Variants in AP3B1 observed in about 807,000 individuals in gnomAD.
AP3B1 encodes the protein adaptor related protein complex 3 subunit beta 1.
Under a neutral mutation model 132.5 loss-of-function variants are expected in AP3B1, and 61 were observed. The observed-to-expected ratio is 0.46, with a 90% CI of 0.37 to 0.57. The LOEUF is 0.57. Ranked by LOEUF, AP3B1 falls within the 20% of genes least tolerant of loss-of-function variation. The probability of loss-of-function intolerance (pLI) is 0.00; values close to 1 mark genes in which losing one functional copy is unlikely to be tolerated. For synonymous variants in AP3B1, 388 were observed against 438.3 expected (o/e 0.89, Z 1.43); for missense variants, 1,120 against 1,289.4 (o/e 0.87, Z 2.01).
At chr5:78,271,816 C>T (rs774811641) in intron 1 of AP3B1, among the ~76,000 whole-genome samples, 8 of 152,194 alleles carry the variant, frequency 5.3e-5, no homozygotes, top group Admixed American at 1.3e-4. Context: ...TATAGCATAA[C>T]GTCACATGAC....
chr5:78,151,066 A>C (rs1753629853), intron 14 of AP3B1, among the ~76,000 whole-genome samples: 1 of 152,052 alleles, frequency 6.6e-6, no homozygotes, highest in African/African-American at 2.4e-5. Flanking sequence ...TTACAGGCAC[A>C]CACCACCACG....
intron 7 of AP3B1, among the ~76,000 whole-genome samples, chr5:78,191,020 C>A (rs148437097): frequency 2.1e-4 from 32 of 152,288 alleles, no homozygotes; most frequent in Middle Eastern, 3.4e-3. Flanking sequence ...ACTCATTACA[C>A]TGAAACAACT....
intron 24 of AP3B1, among the ~76,000 whole-genome samples, chr5:78,028,196 G>C (rs1425783639): frequency 2.1e-5 from 3 of 144,238 alleles, no homozygotes; most frequent in African/African-American, 8.0e-5. Flanking sequence ...TGTGGCTCAC[G>C]CCTGTAATGG....
chr5:78,004,446 G>A (rs1259573205), intron 26 of AP3B1, among the ~76,000 whole-genome samples: 3 of 152,178 alleles, frequency 2.0e-5, no homozygotes, highest in Non-Finnish European at 4.4e-5. Flanking sequence ...TAAGCAGGAA[G>A]CAGATTCTCT....
intron 15 of AP3B1, among the ~76,000 whole-genome samples, chr5:78,131,250 C>T (rs947821736): frequency 7.3e-5 from 11 of 151,244 alleles, no homozygotes; most frequent in Non-Finnish European, 1.5e-4. Flanking sequence ...TTTTATATGG[C>T]CTAAGTTTTT....
chr5:78,184,580 C>A (rs561737209), intron 7 of AP3B1, among the ~76,000 whole-genome samples: 1 of 151,192 alleles, frequency 6.6e-6, no homozygotes, highest in Non-Finnish European at 1.5e-5. Flanking sequence ...CCCAGCTACT[C>A]GGGAGGCTGA....
At chr5:78,092,675 A>C (rs1361113840) in intron 21 of AP3B1, among the ~76,000 whole-genome samples, 2 of 152,124 alleles carry the variant, frequency 1.3e-5, no homozygotes, top group South Asian at 2.1e-4. Flanking sequence ...ATTTTTGAGG[A>C]GTTTCTCTGT....
rs1191092730 is a variant in AP3B1, at chr5:78,020,696, C to T, written c.2988G>A (p.Glu996=). Residue 996 remains glutamate (E), a synonymous_variant, in exon 25 of 27, where the codon GAG becomes GAA. Transcript: ENST00000255194. ...TAAGTTGTAGACATCTCTCACCTTGCTCTTTCTTAAAATCTTTCTCTGACA... is the reference window on the plus strand; with the variant it reads ...TAAGTTGTAGACATCTCTCACCTTGTTCTTTCTTAAAATCTTTCTCTGACA... ...VAMSEKDFKK[E]QGVLTGMNET... is the part of the protein sequence containing the mutation. 7 of 1,609,306 alleles carry T rather than the reference C, an allele frequency of 4.3e-6. No individual in the cohort carries two copies. The East Asian group carries it at 1.1e-4, about 26-fold the overall frequency.
intron 8 of AP3B1, among the ~76,000 whole-genome samples, chr5:78,180,057 G>C (rs1202947519): frequency 6.6e-6 from 1 of 152,080 alleles, no homozygotes; most frequent in Non-Finnish European, 1.5e-5. Context: ...ATAAAGTACA[G>C]CTTAAGATGG....
At chr5:78,076,274 G>A (rs1249389743) in intron 22 of AP3B1, among the ~76,000 whole-genome samples, 1 of 152,190 alleles carries the variant, frequency 6.6e-6, no homozygotes, top group East Asian at 1.9e-4. Context: ...AGGGCAAGAA[G>A]CTTTCCCATC....
At chr5:78,078,042 T>C (rs1749833632) in intron 22 of AP3B1, among the ~76,000 whole-genome samples, 1 of 152,162 alleles carries the variant, frequency 6.6e-6, no homozygotes, top group Non-Finnish European at 1.5e-5. Context: ...CCTGATGGCT[T>C]TAGGATGTGT....
intron 7 of AP3B1, among the ~76,000 whole-genome samples, chr5:78,199,759 C>T (rs1342908820): frequency 6.6e-6 from 1 of 151,654 alleles, no homozygotes; most frequent in Non-Finnish European, 1.5e-5. Context: ...ACTCTTAATA[C>T]ATAAAACAGG....
At chr5:78,281,314 A>C (rs1749042597) in intron 1 of AP3B1, among the ~76,000 whole-genome samples, 2 of 151,818 alleles carry the variant, frequency 1.3e-5, no homozygotes, top group South Asian at 4.2e-4. Flanking sequence ...CATACCTGTA[A>C]TCCCAGCCAC....
chr5:78,229,762 TA>T (rs949668253), intron 3 of AP3B1, among the ~76,000 whole-genome samples: 1 of 150,434 alleles, frequency 6.6e-6, no homozygotes, highest in African/African-American at 2.4e-5. Context: ...AATTTAAAAT[TA>T]AAAAAAAAGT....
At chr5:78,245,955 T>C (rs1404817609) in intron 2 of AP3B1, among the ~76,000 whole-genome samples, 3 of 152,186 alleles carry the variant, frequency 2.0e-5, no homozygotes, top group African/African-American at 7.2e-5. Context: ...AGACAAGTTT[T>C]CAGGTAAAAA....
chr5:78,177,526 G>A, intron 8 of AP3B1, 90 bp from the exon 9 acceptor site: 1 of 975,488 alleles, frequency 1.0e-6, no homozygotes. Flanking sequence ...TTTCCTCTAA[G>A]TCCTACAAAT....
intron 23 of AP3B1, among the ~76,000 whole-genome samples, chr5:78,035,025 T>A (rs1389923436): frequency 2.6e-5 from 4 of 151,860 alleles, no homozygotes; most frequent in African/African-American, 4.8e-5. Flanking sequence ...CTCAAAAAAA[T>A]TTGTGGCAGA....
intron 1 of AP3B1, among the ~76,000 whole-genome samples, chr5:78,278,370 CG>C (rs1304288235): frequency 2.2e-5 from 2 of 91,992 alleles, no homozygotes; most frequent in Non-Finnish European, 5.8e-5. Flanking sequence ...GAGGCCGAGG[CG>C]GGCGGATCAC....
At chr5:78,239,935 T>C (rs188419011) in intron 3 of AP3B1, among the ~76,000 whole-genome samples, 20 of 152,352 alleles carry the variant, frequency 1.3e-4, no homozygotes, top group African/African-American at 4.6e-4. Flanking sequence ...CAAGAATACT[T>C]TGAACATTTA....
Sources: allele counts gnomAD v4.1 joint callset (sites outside exome capture counted in the v4.1 genomes callset), GRCh38; gene constraint gnomAD v4.1.1; transcripts MANE v1.5; gene names NCBI Gene and HGNC (gene_info 2026-07-23, HGNC 2026-07-21).